NIPBL: variants seen among roughly 807,000 people sequenced by gnomAD.
NIPBL encodes nipped-B-like protein.
NIPBL carries 19 observed loss-of-function variants against 321.8 expected under a neutral mutation model. That is an observed-to-expected ratio of 0.06 (90% CI 0.04 to 0.09). The LOEUF (loss-of-function observed/expected upper bound fraction) is 0.09, where lower values mean the gene tolerates loss of function less well. Among genes scored for constraint, NIPBL ranks in the 10% least tolerant of loss-of-function variants. The pLI is 1.00. For synonymous variants in NIPBL, 1,106 were observed against 1,114.1 expected (o/e 0.99, Z 0.14); for missense variants, 2,210 against 3,327.0 (o/e 0.66, Z 8.26).
chr5:37,003,749 T>C (rs189678265), intron 16 of NIPBL, among the ~76,000 whole-genome samples: 2 of 152,342 alleles, frequency 1.3e-5, no homozygotes, highest in Admixed American at 1.3e-4. Context: ...CATGAATTAC[T>C]AGTTACATTC....
intron 1 of NIPBL, among the ~76,000 whole-genome samples, chr5:36,937,553 T>C (rs183003324): frequency 3.5e-4 from 54 of 152,198 alleles, no homozygotes; most frequent in East Asian, 1.2e-3. Context: ...TTTTTTTTTT[T>C]CCCAAGAAAA....
intron 1 of NIPBL, among the ~76,000 whole-genome samples, chr5:36,911,495 C>T (rs1748046596): frequency 6.6e-6 from 1 of 152,110 alleles, no homozygotes; most frequent in Non-Finnish European, 1.5e-5. Flanking sequence ...TGTCCCTCTT[C>T]TGATCTTACT....
chr5:36,893,260 A>G (rs1032382986), intron 1 of NIPBL, among the ~76,000 whole-genome samples: 5 of 152,218 alleles, frequency 3.3e-5, no homozygotes, highest in African/African-American at 1.2e-4. Context: ...CTTTACAAAT[A>G]TAATTAAAGG....
rs1411123295 is a variant in NIPBL, at chr5:36,916,015, GAT to G, written c.-79-37600_-79-37599del. On this transcript the variant is annotated intron_variant, in intron 1 of 46. Coordinates refer to ENST00000282516, the MANE Select transcript of NIPBL (RefSeq NM_133433.4). ...TTCATCATTATCTTCAGTGGAAAAA[GAT>G]ATGAGGAACAACATCACTCATTGGA... Among the ~76,000 whole-genome samples, 4 of 152,298 alleles carry G rather than the reference GAT, an allele frequency of 2.6e-5. No individual in the cohort carries two copies. The East Asian group carries it at 5.8e-4, about 22-fold the overall frequency.
intron 1 of NIPBL, among the ~76,000 whole-genome samples, chr5:36,906,270 T>C (rs1747630629): frequency 1.3e-5 from 2 of 152,158 alleles, no homozygotes; most frequent in African/African-American, 4.8e-5. Context: ...ATACATAAGA[T>C]GTGTAAAGGA....
chr5:37,021,972 T>C (rs1749701151), intron 27 of NIPBL, 79 bp from the exon 28 acceptor site: 4 of 1,051,892 alleles, frequency 3.8e-6, no homozygotes, highest in Non-Finnish European at 5.8e-6. Context: ...ATTTGTTTTC[T>C]TTTGCATGTT....
chr5:37,035,594 T>G (rs1212121869), intron 32 of NIPBL, among the ~76,000 whole-genome samples: 2 of 152,212 alleles, frequency 1.3e-5, no homozygotes, highest in South Asian at 2.1e-4. Context: ...TCAGTCACAG[T>G]AGGTACATTG....
At chr5:37,050,504 A>C (rs561746445) in intron 40 of NIPBL, among the ~76,000 whole-genome samples, 3 of 151,520 alleles carry the variant, frequency 2.0e-5, no homozygotes, top group East Asian at 3.9e-4. Context: ...AAAAATTCAC[A>C]CAAAGAAATT....
intron 1 of NIPBL, among the ~76,000 whole-genome samples, chr5:36,939,002 G>A (rs1035286698): frequency 2.6e-5 from 4 of 152,012 alleles, no homozygotes; most frequent in Admixed American, 1.3e-4. Context: ...CCACACCTGC[G>A]CTCTTGTTGT....
chr5:37,006,073 T>A (rs1747390446), intron 16 of NIPBL, among the ~76,000 whole-genome samples: 1 of 152,156 alleles, frequency 6.6e-6, no homozygotes, highest in African/African-American at 2.4e-5. Flanking sequence ...AGCTAAATCT[T>A]AAATTCGGAT....
In NIPBL at chr5:37,038,770, T is replaced by C. The variant is rs767572196; in HGVS notation, c.6108+32T>C. 13 of 1,605,996 alleles carry C rather than the reference T, an allele frequency of 8.1e-6. No homozygotes were observed. In the South Asian group the frequency reaches 1.4e-4, roughly 18 times the overall value. ...ATAGAGCTGTCTTATTCTTGTATCT[T>C]ACATAAAACATTAAGTGCTTTAAAT... On this transcript the variant is annotated intron_variant, in intron 34 of 46. Coordinates refer to ENST00000282516, the MANE Select transcript of NIPBL (RefSeq NM_133433.4).
rs1745767796 is a variant in NIPBL at position 36,993,378 on chromosome 5, T to C, written c.3122-2244T>C. Among the ~76,000 whole-genome samples, 3 of 152,272 alleles carry C rather than the reference T, an allele frequency of 2.0e-5. No individual in the cohort carries two copies. The South Asian group carries it at 6.2e-4, about 32-fold the overall frequency. On this transcript the variant is annotated intron_variant, in intron 10 of 46. Coordinates refer to ENST00000282516, the MANE Select transcript of NIPBL (RefSeq NM_133433.4). The stretch of plus-strand genomic sequence containing the variant: ...ATAGTATTCTTGTTAATGTAGGGAA[T>C]AAGAAAGGGTAAACTACTGTTGATA...
At chr5:37,061,795 A>G (rs568338722) in intron 45 of NIPBL, among the ~76,000 whole-genome samples, 3 of 152,320 alleles carry the variant, frequency 2.0e-5, no homozygotes, top group African/African-American at 7.2e-5. Flanking sequence ...TGCTATATAC[A>G]TAGTTGTTAT....
At chr5:36,917,556 G>A (rs949958616) in intron 1 of NIPBL, among the ~76,000 whole-genome samples, 10 of 151,996 alleles carry the variant, frequency 6.6e-5, no homozygotes, top group African/African-American at 1.9e-4. Context: ...ATTTACATTC[G>A]GTAAATGACA....
intron 34 of NIPBL, among the ~76,000 whole-genome samples, chr5:37,041,545 A>G (rs185388816): frequency 1.3e-5 from 2 of 150,766 alleles, no homozygotes; most frequent in African/African-American, 4.9e-5. Context: ...GATTACAGGC[A>G]TGAGCCACTG....
chr5:36,909,789 C>T, intron 1 of NIPBL, among the ~76,000 whole-genome samples: 1 of 152,046 alleles, frequency 6.6e-6, no homozygotes. Context: ...AAAAAAAGAA[C>T]AGTATGGGCC....
intron 1 of NIPBL, among the ~76,000 whole-genome samples, chr5:36,900,297 G>A (rs1747101818): frequency 6.6e-6 from 1 of 152,136 alleles, no homozygotes; most frequent in African/African-American, 2.4e-5. Context: ...TTCTATTAAT[G>A]ATGTAAAGTA....
intron 1 of NIPBL, among the ~76,000 whole-genome samples, chr5:36,903,809 C>A (rs1320356567): frequency 6.6e-6 from 1 of 152,126 alleles, no homozygotes; most frequent in African/African-American, 2.4e-5. Flanking sequence ...AGATACTACA[C>A]CATCCAAAGA....
chr5:36,887,503 G>A (rs1454811512), intron 1 of NIPBL, among the ~76,000 whole-genome samples: 2 of 152,030 alleles, frequency 1.3e-5, no homozygotes, highest in African/African-American at 2.4e-5. Context: ...CATTTTATTC[G>A]ACCACCTCTC....
Sources: gnomAD v4.1 joint callset for allele counts (sites outside exome capture counted in the v4.1 genomes callset) on GRCh38, gnomAD v4.1.1 for gene constraint, MANE v1.5 for transcripts, NCBI Gene and HGNC (gene_info 2026-07-23, HGNC 2026-07-21) for gene names.